The following ST6GALNAC3 variants were observed in gnomAD, a reference collection of about 807,000 sequenced individuals.
The protein encoded by ST6GALNAC3 is ST6 N-acetylgalactosaminide alpha-2,6-sialyltransferase 3, also known as alpha-N-acetylgalactosaminide alpha-2,6-sialyltransferase 3.
A neutral mutation model predicts 32.7 loss-of-function variants in ST6GALNAC3; 25 were observed. The ratio of observed to expected loss-of-function variants is 0.76; its 90% CI spans 0.56 to 1.07. The LOEUF (loss-of-function observed/expected upper bound fraction) is 1.07, where lower values mean the gene tolerates loss of function less well. ST6GALNAC3 is among the 50% of genes least tolerant of loss of function. ST6GALNAC3 has a pLI of 0.00. For missense variants in ST6GALNAC3, 355 were observed against 382.4 expected, an observed-to-expected ratio of 0.93 and a Z score of 0.60; for synonymous variants, 129 against 133.1, an observed-to-expected ratio of 0.97 and a Z score of 0.21.
At chr1:76,210,231 C>T (rs1379156014) in intron 1 of ST6GALNAC3, among the ~76,000 whole-genome samples, 1 of 152,182 alleles carries the variant, frequency 6.6e-6, no homozygotes, top group African/African-American at 2.4e-5. Flanking sequence ...GCTGCATTTT[C>T]TAGAAGTCAA....
chr1:76,196,431 A>G (rs1038307674), intron 1 of ST6GALNAC3, among the ~76,000 whole-genome samples: 7 of 152,128 alleles, frequency 4.6e-5, no homozygotes, highest in Admixed American at 3.9e-4. Flanking sequence ...CAATAGATAC[A>G]ACTCATATAA....
chr1:76,355,544 A>G (rs760095330), intron 2 of ST6GALNAC3, among the ~76,000 whole-genome samples: 1 of 152,196 alleles, frequency 6.6e-6, no homozygotes, highest in Non-Finnish European at 1.5e-5. Context: ...TTTATGCTGG[A>G]ACAATTATAA....
At chr1:76,228,915 T>G (rs1475796543) in intron 1 of ST6GALNAC3, among the ~76,000 whole-genome samples, 1 of 152,116 alleles carries the variant, frequency 6.6e-6, no homozygotes, top group Non-Finnish European at 1.5e-5. Flanking sequence ...CTTCAGGTGA[T>G]TAACGTTGAT....
chr1:76,144,195 G>A (rs1022003577), intron 1 of ST6GALNAC3, among the ~76,000 whole-genome samples: 1 of 152,112 alleles, frequency 6.6e-6, no homozygotes, highest in Admixed American at 6.6e-5. Context: ...ATGAGAAGAT[G>A]GGAAAGCGTG....
At chr1:76,148,439 T>TGGGCAAATAGGTTGCCCAATTTA (rs1650832066) in intron 1 of ST6GALNAC3, among the ~76,000 whole-genome samples, 1 of 152,232 alleles carries the variant, frequency 6.6e-6, no homozygotes, top group South Asian at 2.1e-4. Flanking sequence ...TTTCCCCTCT[T>TGGGCAAATAGGTTGCCCAATTTA]GGGCAAATAG....
intron 1 of ST6GALNAC3, among the ~76,000 whole-genome samples, chr1:76,130,149 G>A (rs74092517): frequency 0.016 from 2,412 of 152,264 alleles, 71 homozygotes; most frequent in African/African-American, 0.055. Context: ...ATACATGAGT[G>A]ATAAAGATTT....
intron 1 of ST6GALNAC3, among the ~76,000 whole-genome samples, chr1:76,092,950 G>A (rs1160565911): frequency 6.6e-6 from 1 of 152,108 alleles, no homozygotes; most frequent in Non-Finnish European, 1.5e-5. Flanking sequence ...CCTCCATCTT[G>A]TTTTTCTCTG....
At chr1:76,132,864 G>A (rs1649704748) in intron 1 of ST6GALNAC3, among the ~76,000 whole-genome samples, 1 of 152,162 alleles carries the variant, frequency 6.6e-6, no homozygotes, top group Admixed American at 6.5e-5. Context: ...GTCTGGGGGA[G>A]GGTCATACAG....
chr1:76,404,442 G>GA (rs1653669586), intron 2 of ST6GALNAC3, among the ~76,000 whole-genome samples: 1 of 151,728 alleles, frequency 6.6e-6, no homozygotes, highest in African/African-American at 2.4e-5. Flanking sequence ...AATCATTCCT[G>GA]AAACACGGGA....
intron 1 of ST6GALNAC3, among the ~76,000 whole-genome samples, chr1:76,111,024 A>C (rs1401042723): frequency 6.6e-6 from 1 of 152,244 alleles, no homozygotes; most frequent in Non-Finnish European, 1.5e-5. Context: ...GAAAGATGGC[A>C]GAAGACTGGA....
At chr1:76,332,753 C>T (rs1425629523) in intron 2 of ST6GALNAC3, among the ~76,000 whole-genome samples, 1 of 152,166 alleles carries the variant, frequency 6.6e-6, no homozygotes, top group Non-Finnish European at 1.5e-5. Context: ...CCACAGTACT[C>T]ATGCTTTGCC....
At chr1:76,392,374 A>G (rs11162144) in intron 2 of ST6GALNAC3, among the ~76,000 whole-genome samples, 31,593 of 152,180 alleles carry the variant, frequency 0.21, 3,900 homozygotes, top group East Asian at 0.6. Context: ...CAAAGTATGA[A>G]TAGATAGAAA....
At chr1:76,119,217 C>T (rs1403319683) in intron 1 of ST6GALNAC3, among the ~76,000 whole-genome samples, 1 of 152,206 alleles carries the variant, frequency 6.6e-6, no homozygotes, top group Non-Finnish European at 1.5e-5. Context: ...CAGAAAGATG[C>T]TGGGCCCTTG....
intron 3 of ST6GALNAC3, among the ~76,000 whole-genome samples, chr1:76,472,088 A>G (rs770064950): frequency 6.6e-6 from 1 of 152,266 alleles, no homozygotes; most frequent in East Asian, 1.9e-4. Flanking sequence ...TTCAAGTACA[A>G]TAGAACATCT....
At chr1:76,196,629 C>A (rs921182780) in intron 1 of ST6GALNAC3, among the ~76,000 whole-genome samples, 2 of 152,030 alleles carry the variant, frequency 1.3e-5, no homozygotes, top group Non-Finnish European at 2.9e-5. Flanking sequence ...CCATGCCCGG[C>A]TAATTTTTGT....
intron 1 of ST6GALNAC3, among the ~76,000 whole-genome samples, chr1:76,172,360 G>T (rs889309387): frequency 6.6e-6 from 1 of 152,134 alleles, no homozygotes. Flanking sequence ...AGCTATTTAT[G>T]ACAAACCCAC....
intron 2 of ST6GALNAC3, among the ~76,000 whole-genome samples, chr1:76,334,230 TTTACA>T (rs1415687376): frequency 6.6e-6 from 1 of 152,250 alleles, no homozygotes; most frequent in Non-Finnish European, 1.5e-5. Context: ...GTTTATCTAA[TTTACA>T]CCACTTATGA....
chr1:76,081,706 G>A (rs1255388113), intron 1 of ST6GALNAC3, among the ~76,000 whole-genome samples: 2 of 152,118 alleles, frequency 1.3e-5, no homozygotes, highest in South Asian at 2.1e-4. Flanking sequence ...GTCCTTTTTG[G>A]GGGTGGGAGT....
intron 3 of ST6GALNAC3, among the ~76,000 whole-genome samples, chr1:76,484,935 C>T (rs1283709588): frequency 1.3e-5 from 2 of 152,070 alleles, no homozygotes; most frequent in African/African-American, 2.4e-5. Context: ...GCATGAAAGG[C>T]TGTTGAATTT....
Sources: gnomAD v4.1 joint callset for allele counts (sites outside exome capture counted in the v4.1 genomes callset) on GRCh38, gnomAD v4.1.1 for gene constraint, MANE v1.5 for transcripts, NCBI Gene and HGNC (gene_info 2026-07-23, HGNC 2026-07-21) for gene names.